Variants in UNC5D observed in about 807,000 individuals in gnomAD.
UNC5D encodes netrin receptor UNC5D.
UNC5D carries 39 observed loss-of-function variants against 105.4 expected under a neutral mutation model. The observed-to-expected ratio is 0.37, with a 90% CI of 0.29 to 0.48. The LOEUF (loss-of-function observed/expected upper bound fraction) is 0.48. UNC5D is among the 20% of genes least tolerant of loss of function. The pLI is 0.98. For synonymous variants in UNC5D, 452 were observed against 450.4 expected (o/e 1.00, Z -0.04); for missense variants, 991 against 1,202.4 (o/e 0.82, Z 2.60).
rs982547761 is a variant in UNC5D, at chr8:35,235,490, C to T, written c.-295C>T. ...CGCCTCCGCTCCGTAGTTCGGGGCCCGGCAGCGGCGCGAGGGCTGGGAACT... is the reference window on the plus strand; with the variant it reads ...CGCCTCCGCTCCGTAGTTCGGGGCCTGGCAGCGGCGCGAGGGCTGGGAACT... On this transcript the variant is annotated 5_prime_UTR_variant, in exon 1 of 17. Transcript: ENST00000404895. 1.4e-5 allele frequency: 4 copies of T among 287,024 alleles called. No homozygotes were observed. Among genetic ancestry groups the T allele is most frequent in the African/African-American group, 2.2e-5 (1 of 45,626 alleles). 17.8% of individuals were successfully genotyped at this position (287,024 alleles called of 1,614,324 possible).
chr8:35,664,981 G>A (rs1586370154), intron 4 of UNC5D, among the ~76,000 whole-genome samples: 1 of 152,112 alleles, frequency 6.6e-6, no homozygotes, highest in African/African-American at 2.4e-5. Context: ...CTGCAGATGT[G>A]CACCACCATG....
chr8:35,396,140 C>T (rs1014687628), intron 1 of UNC5D, among the ~76,000 whole-genome samples: 3 of 152,092 alleles, frequency 2.0e-5, no homozygotes, highest in African/African-American at 7.2e-5. Flanking sequence ...TTTGTTTAAC[C>T]TCCTCTCTAT....
At chr8:35,323,496 A>G (rs376782017) in intron 1 of UNC5D, among the ~76,000 whole-genome samples, 7 of 152,164 alleles carry the variant, frequency 4.6e-5, no homozygotes, top group African/African-American at 1.2e-4. Flanking sequence ...AAGTAATTCT[A>G]GAGAATATAA....
chr8:35,686,488 T>G, intron 6 of UNC5D, 57 bp from the exon 7 acceptor site: 1 of 1,488,040 alleles, frequency 6.7e-7, no homozygotes, highest in Non-Finnish European at 8.9e-7. Context: ...CTGGGGTGAG[T>G]CTCCTGACCG....
At chr8:35,603,914 C>T (rs527283531) in intron 4 of UNC5D, among the ~76,000 whole-genome samples, 18 of 152,144 alleles carry the variant, frequency 1.2e-4, no homozygotes, top group Admixed American at 7.9e-4. Flanking sequence ...TCCTCCATCC[C>T]TTTATTTTGA....
rs117075654 is a variant in UNC5D at position 35,288,286 on chromosome 8, G to A, written c.103+52399G>A. ...AACAGAAATCCCACAGGCCATGAGA[G>A]AGTGGGATGGTATACTCAGAATACT... On this transcript the variant is annotated intron_variant, in intron 1 of 16. Coordinates refer to ENST00000404895, the MANE Select transcript of UNC5D (RefSeq NM_080872.4). Among the ~76,000 whole-genome samples the A allele has an allele frequency of 8.3e-3, 1,266 of 151,754 alleles. 6 individuals carry two copies. The highest frequency in any genetic ancestry group is 0.014 in the Middle Eastern group (4 of 292).
rs1043214265 is a variant in UNC5D, at chr8:35,449,719, G to A, written c.104-99573G>A. On this transcript the variant is annotated intron_variant, in intron 1 of 16. Coordinates refer to ENST00000404895, the MANE Select transcript of UNC5D (RefSeq NM_080872.4). ...ATATCAAAAGCTCCATGAGATCATC[G>A]TACTCTTTCCTCCAGCCTCCCATCT... Among the ~76,000 whole-genome samples the A allele has an allele frequency of 1.4e-4, 22 of 152,072 alleles. No individual in the cohort carries two copies. The South Asian group carries it at 2.1e-3, about 14-fold the overall frequency.
At position 35,420,448 on chromosome 8, in the gene UNC5D, C is replaced by T. The variant is rs191602291; in HGVS notation, c.104-128844C>T. 2.0e-3 allele frequency among the ~76,000 whole-genome samples: 301 copies of T among 152,182 alleles called. 2 individuals are homozygous for T. Among genetic ancestry groups the T allele is most frequent in the Middle Eastern group, 6.8e-3 (2 of 292 alleles). ...CCTGGTGGTTCATAAAGGTGATTGC[C>T]AATGCGGTACTCTGAACTGTCTTGT... On this transcript the variant is annotated intron_variant, in intron 1 of 16. Transcript: ENST00000404895.
At chr8:35,584,256 C>T (rs1025341471) in intron 3 of UNC5D, among the ~76,000 whole-genome samples, 14 of 151,870 alleles carry the variant, frequency 9.2e-5, no homozygotes, top group Admixed American at 3.3e-4. Context: ...ATACAATCGA[C>T]GGAAAAGTTA....
intron 1 of UNC5D, among the ~76,000 whole-genome samples, chr8:35,367,486 T>A (rs921764444): frequency 6.6e-6 from 1 of 152,184 alleles, no homozygotes; most frequent in South Asian, 2.1e-4. Flanking sequence ...AGTGTGTTGA[T>A]GGCAGATGTG....
intron 1 of UNC5D, among the ~76,000 whole-genome samples, chr8:35,418,981 C>T (rs1805710178): frequency 6.6e-6 from 1 of 152,124 alleles, no homozygotes; most frequent in African/African-American, 2.4e-5. Context: ...TCACTGGGAC[C>T]CTGAGAATTT....
chr8:35,642,379 T>A (rs1250274056), intron 4 of UNC5D, among the ~76,000 whole-genome samples: 2 of 152,124 alleles, frequency 1.3e-5, no homozygotes, highest in Admixed American at 1.3e-4. Flanking sequence ...GTATATCTGG[T>A]ATCATATTCT....
intron 11 of UNC5D, among the ~76,000 whole-genome samples, chr8:35,734,701 C>T (rs780404137): frequency 1.8e-4 from 28 of 152,114 alleles, no homozygotes; most frequent in African/African-American, 5.1e-4. Context: ...TGAGCCACCA[C>T]GCCCAGCTGG....
At chr8:35,576,779 A>T (rs1411552501) in intron 3 of UNC5D, among the ~76,000 whole-genome samples, 1 of 151,992 alleles carries the variant, frequency 6.6e-6, no homozygotes, top group Non-Finnish European at 1.5e-5. Context: ...GGCCCAGCTA[A>T]CTTTTTTGTA....
intron 4 of UNC5D, among the ~76,000 whole-genome samples, chr8:35,671,197 T>C (rs1824778398): frequency 6.6e-6 from 1 of 152,184 alleles, no homozygotes; most frequent in South Asian, 2.1e-4. Context: ...CGTGATCTCT[T>C]GAGTGTCTCT....
intron 12 of UNC5D, among the ~76,000 whole-genome samples, chr8:35,749,488 G>A (rs543106581): frequency 2.6e-5 from 4 of 152,234 alleles, no homozygotes; most frequent in African/African-American, 4.8e-5. Context: ...AGGCACTTCA[G>A]GCCAAAGAAG....
chr8:35,740,959 G>A (rs1023662403), intron 11 of UNC5D, among the ~76,000 whole-genome samples: 1 of 152,128 alleles, frequency 6.6e-6, no homozygotes, highest in African/African-American at 2.4e-5. Flanking sequence ...GTGCATAAGC[G>A]TGGTGGATAT....
chr8:35,494,290 A>G (rs2130145715), intron 1 of UNC5D, among the ~76,000 whole-genome samples: 1 of 152,280 alleles, frequency 6.6e-6, no homozygotes, highest in South Asian at 2.1e-4. Flanking sequence ...CTTTAATCCA[A>G]AATGTTTCTA....
chr8:35,690,141 A>C (rs912087605), intron 7 of UNC5D, among the ~76,000 whole-genome samples: 2 of 152,108 alleles, frequency 1.3e-5, no homozygotes, highest in Admixed American at 6.5e-5. Flanking sequence ...ATATTAGTAT[A>C]TTTGTCAAAT....
Sources: gnomAD v4.1 joint callset for allele counts (sites outside exome capture counted in the v4.1 genomes callset) on GRCh38, gnomAD v4.1.1 for gene constraint, MANE v1.5 for transcripts, NCBI Gene and HGNC (gene_info 2026-07-23, HGNC 2026-07-21) for gene names.